LRRK2: variants seen among roughly 807,000 people sequenced by gnomAD.
LRRK2 encodes the protein leucine-rich repeat serine/threonine-protein kinase 2.
A neutral mutation model predicts 302.6 loss-of-function variants in LRRK2; 203 were observed. That is an observed-to-expected ratio of 0.67 (90% CI 0.60 to 0.75). The LOEUF is 0.75. Ranked by LOEUF, LRRK2 falls within the 30% of genes least tolerant of loss-of-function variation. The pLI is 0.00. For synonymous variants in LRRK2, 1,066 were observed against 1,031.9 expected (o/e 1.03, Z -0.63); for missense variants, 2,830 against 2,951.0 (o/e 0.96, Z 0.95).
rs541997098 is a variant in LRRK2, at chr12:40,301,784, T to G, written c.3497-1005T>G. 3.9e-5 allele frequency among the ~76,000 whole-genome samples: 6 copies of G among 152,304 alleles called. No individual in the cohort carries two copies. In the South Asian group the frequency reaches 1.2e-3, roughly 32 times the overall value. On this transcript the variant is annotated intron_variant, in intron 25 of 50. Coordinates refer to ENST00000298910, the MANE Select transcript of LRRK2 (RefSeq NM_198578.4). ...TTCATCTGATCTAGCTACACTCTTT[T>G]ACAGATAAGAAAAGAGACTGTGTGA...
At chr12:40,309,408 T>TGAAG (rs1944960647) in intron 30 of LRRK2, among the ~76,000 whole-genome samples, 175 bp downstream of exon 30, 1 of 152,148 alleles carries the variant, frequency 6.6e-6, no homozygotes, top group Non-Finnish European at 1.5e-5. Context: ...AATGAAGTCA[T>TGAAG]AACATGAAAA....
In LRRK2 at chr12:40,310,574, T is replaced by C. The variant is rs759517280; in HGVS notation, c.4461T>C (p.Phe1487=). 3 of 1,612,510 alleles carry C rather than the reference T, an allele frequency of 1.9e-6. No individual in the cohort carries two copies. Among genetic ancestry groups the C allele is most frequent in the African/African-American group, 1.3e-5 (1 of 74,506 alleles). Residue 1487 remains phenylalanine (F), a synonymous_variant, in exon 31 of 51, where the codon TTT becomes TTC. Transcript: ENST00000298910. ...TCCCTGCCATACGAGATTACCACTTTGTGAATGCCACCGAGGAATCTGATG... is the reference window on the plus strand; with the variant it reads ...TCCCTGCCATACGAGATTACCACTTCGTGAATGCCACCGAGGAATCTGATG... ...RGFPAIRDYH[F]VNATEESDAL... is the part of the protein sequence containing the mutation.
chr12:40,321,165 C>G lies in LRRK2; in HGVS notation c.5147C>G (p.Ser1716Ter), dbSNP rs142181172. ...TTAATCAATCGATTACTTGAGATTTCACCTTACATGCTTTCAGGGAGAGGT... is the reference window on the plus strand; with the variant it reads ...TTAATCAATCGATTACTTGAGATTTGACCTTACATGCTTTCAGGGAGAGGT... The part of the protein sequence containing the change: ...SRLINRLLEI[S>*]PYMLSGRERA... Residue 1716 changes from serine (S) to a stop codon, truncating the protein, a stop_gained, in exon 35 of 51, where the codon TCA becomes TGA. Transcript: ENST00000298910. LOFTEE classifies it high-confidence loss of function. 3.1e-6 allele frequency: 5 copies of G among 1,612,210 alleles called. No homozygotes were observed. In the African/African-American group the frequency reaches 5.3e-5, roughly 17 times the overall value.
chr12:40,270,766 T>C (rs1057119478), intron 14 of LRRK2, among the ~76,000 whole-genome samples: 26 of 152,080 alleles, frequency 1.7e-4, no homozygotes, highest in African/African-American at 6.3e-4. Context: ...TCCTGGAAAG[T>C]TTTCTTGAGT....
chr12:40,311,570 T>A (rs1346654806), intron 31 of LRRK2, among the ~76,000 whole-genome samples: 1 of 152,200 alleles, frequency 6.6e-6, no homozygotes, highest in Non-Finnish European at 1.5e-5. Context: ...AATTATGTAA[T>A]AGTGTCCCAC....
intron 39 of LRRK2, among the ~76,000 whole-genome samples, chr12:40,333,988 T>A (rs890912411): frequency 7.2e-5 from 11 of 152,030 alleles, no homozygotes; most frequent in African/African-American, 2.4e-4. Context: ...GCTGAGGCCG[T>A]GGAAGTAGAT....
At chr12:40,300,883 C>T in intron 25 of LRRK2, 1 of 471,096 alleles carries the variant, frequency 2.1e-6, no homozygotes, top group Non-Finnish European at 4.4e-6. Context: ...ATTTCTGTGC[C>T]TGTGACATTT....
At chr12:40,354,530 TC>T in intron 45 of LRRK2, 38 bp downstream of exon 45, 1 of 1,554,602 alleles carries the variant, frequency 6.4e-7, no homozygotes, top group Non-Finnish European at 8.9e-7. Flanking sequence ...AAATTACAGA[TC>T]TTTTAAACGA....
intron 27 of LRRK2, 62 bp downstream of exon 27, chr12:40,304,196 T>C: frequency 6.6e-7 from 1 of 1,522,404 alleles, no homozygotes; most frequent in East Asian, 2.3e-5. Flanking sequence ...CAAATTATCA[T>C]TTTAAGTGAT....
At chr12:40,331,677 C>T (rs778381899) in intron 39 of LRRK2, among the ~76,000 whole-genome samples, 37 of 152,140 alleles carry the variant, frequency 2.4e-4, no homozygotes, top group Admixed American at 6.5e-4. Flanking sequence ...GGGCCACATG[C>T]GACCTGTGGG....
At chr12:40,334,057 T>C (rs1945795325) in intron 39 of LRRK2, among the ~76,000 whole-genome samples, 1 of 152,146 alleles carries the variant, frequency 6.6e-6, no homozygotes, top group African/African-American at 2.4e-5. Context: ...GGGGATGATA[T>C]GTATTTTTTT....
At chr12:40,298,783 ATATATAT>A (rs1387189406) in intron 24 of LRRK2, among the ~76,000 whole-genome samples, 7 of 108,612 alleles carry the variant, frequency 6.4e-5, no homozygotes. Flanking sequence ...AAAGAAATAT[ATATATAT>A]ATATATATAA....
At chr12:40,341,738 C>G (rs929668284) in intron 41 of LRRK2, among the ~76,000 whole-genome samples, 3 of 152,024 alleles carry the variant, frequency 2.0e-5, no homozygotes, top group Admixed American at 1.3e-4. Flanking sequence ...AGTAATTGGC[C>G]AAGATAAGAA....
Position 40,322,117 on chromosome 12 carries a change from A to T in LRRK2, c.5253A>T (p.Gly1751=). ...NWSPEAYCLV[G]SEVLDNHPES... is the part of the protein sequence containing the mutation. ...CTCCTGAAGCTTATTGTCTGGTAGG[A>T]TCTGAAGTCTTAGACAATCATCCAG... Residue 1751 remains glycine (G), a synonymous_variant, in exon 36 of 51, where the codon GGA becomes GGT. Transcript: ENST00000298910. The T allele has an allele frequency of 1.2e-6, 2 of 1,613,170 alleles. No homozygotes were observed. Among genetic ancestry groups the T allele is most frequent in the East Asian group, 2.2e-5 (1 of 44,848 alleles).
At chr12:40,302,979 C>A in intron 26 of LRRK2, 97 bp downstream of exon 26, 1 of 825,992 alleles carries the variant, frequency 1.2e-6, no homozygotes, top group South Asian at 1.5e-5. Context: ...TAATTGATTT[C>A]TAAACCTACT....
intron 11 of LRRK2, among the ~76,000 whole-genome samples, chr12:40,253,259 A>G (rs940690727): frequency 5.3e-5 from 8 of 152,196 alleles, no homozygotes; most frequent in African/African-American, 1.7e-4. Flanking sequence ...CACATGACAT[A>G]TACAAAATTT....
At position 40,259,559 on chromosome 12, in the gene LRRK2, G is replaced by C; in HGVS notation, c.1498G>C (p.Val500Leu). The C allele has an allele frequency of 6.2e-7, 1 of 1,613,378 alleles. No homozygotes were observed. The highest frequency in any genetic ancestry group is 1.1e-5 in the South Asian group (1 of 91,074). The stretch of plus-strand genomic sequence containing the variant: ...GAAACGTCATGAGACATCATTACCA[G>C]TGCAGCTGGAGGCGCTTCGAGCTAT... ...VMKRHETSLP[V>L]QLEALRAILH... Residue 500 changes from valine (V) to leucine (L), a missense_variant, in exon 13 of 51, where the codon GTG becomes CTG. Val to Leu is a conservative substitution (Grantham distance 32). This residue lies in a region of LRRK2 where 2,121 missense variants were observed against 2,148.0 expected (regional missense o/e 0.99). Coordinates refer to ENST00000298910, the MANE Select transcript of LRRK2 (RefSeq NM_198578.4).
intron 19 of LRRK2, 110 bp from the exon 20 acceptor site, chr12:40,287,241 A>G (rs113464847): frequency 8.4e-6 from 8 of 956,798 alleles, no homozygotes; most frequent in African/African-American, 4.9e-5. Flanking sequence ...GAAAGGAAAA[A>G]TAGAAATATT....
intron 18 of LRRK2, among the ~76,000 whole-genome samples, chr12:40,282,671 G>T (rs1943758291): frequency 6.6e-6 from 1 of 152,196 alleles, no homozygotes; most frequent in South Asian, 2.1e-4. Flanking sequence ...CTTGATCAGA[G>T]CTCTGTAGTG....
Sources: gnomAD v4.1 joint callset for allele counts (sites outside exome capture counted in the v4.1 genomes callset) on GRCh38, gnomAD v4.1.1 for gene constraint, gnomAD v4.1.1 regional missense constraint, MANE v1.5 for transcripts, NCBI Gene and HGNC (gene_info 2026-07-23, HGNC 2026-07-21) for gene names.